NR2F1-AS1: variants seen among roughly 807,000 people sequenced by gnomAD.
NR2F1-AS1 encodes the protein NR2F1 regulatory antisense RNA 1.
At chr5:93,544,660 A>G (rs922508003) in intron 4 of NR2F1-AS1, 1 of 152,212 alleles carries the variant, frequency 6.6e-6, no homozygotes, top group Non-Finnish European at 1.5e-5. Flanking sequence ...GCAGTGGCTC[A>G]CGCCTGTAAT....
chr5:93,411,942 C>T (rs1443123269), intron 4 of NR2F1-AS1, among the ~76,000 whole-genome samples: 1 of 152,126 alleles, frequency 6.6e-6, no homozygotes, highest in African/African-American at 2.4e-5. Context: ...GATAGAGAAG[C>T]GTGCTGTGAA....
At chr5:93,583,400 C>T (rs1753162976), upstream of NR2F1-AS1, 1 of 151,056 alleles carries the variant, frequency 6.6e-6, no homozygotes. Context: ...AACCTCTCTT[C>T]TCTTTCTCTT....
At position 93,443,200 on chromosome 5, in the gene NR2F1-AS1, G is replaced by A. The variant is rs1421531374; in HGVS notation, n.639-47658C>T. Among the ~76,000 whole-genome samples, 4 of 152,220 alleles carry A rather than the reference G, an allele frequency of 2.6e-5. No individual in the cohort carries two copies. In the East Asian group the frequency reaches 7.7e-4, roughly 29 times the overall value. ...ACAAAGCTGCATGGAGAATGACTTTGACGAGTTGAGAGAAGAAGGCTTCAG... is the reference window on the plus strand; with the variant it reads ...ACAAAGCTGCATGGAGAATGACTTTAACGAGTTGAGAGAAGAAGGCTTCAG... On this transcript the variant is annotated intron_variant and non_coding_transcript_variant, in intron 4 of 5. Coordinates refer to ENST00000660523, the Ensembl canonical transcript of NR2F1-AS1.
At chr5:93,450,182 G>C (rs1457334182) in intron 4 of NR2F1-AS1, among the ~76,000 whole-genome samples, 1 of 152,152 alleles carries the variant, frequency 6.6e-6, no homozygotes, top group Non-Finnish European at 1.5e-5. Context: ...TTTAATATCT[G>C]AATTTAGCAA....
At chr5:93,417,331 A>G (rs1488008581) in intron 4 of NR2F1-AS1, among the ~76,000 whole-genome samples, 2 of 152,238 alleles carry the variant, frequency 1.3e-5, no homozygotes, top group African/African-American at 2.4e-5. Flanking sequence ...ATAGTCACTT[A>G]GCACTGCTCT....
chr5:93,580,093 G>C (rs1322383335), intron 1 of NR2F1-AS1, among the ~76,000 whole-genome samples: 1 of 152,260 alleles, frequency 6.6e-6, no homozygotes, highest in African/African-American at 2.4e-5. Flanking sequence ...GGCACCAGCA[G>C]GAACAGCCGG....
At chr5:93,415,535 T>C (rs1036445364) in intron 4 of NR2F1-AS1, among the ~76,000 whole-genome samples, 1 of 152,214 alleles carries the variant, frequency 6.6e-6, no homozygotes, top group Non-Finnish European at 1.5e-5. Context: ...ATAGAAAACA[T>C]GGTTTGACAA....
chr5:93,554,026 A>G (rs1436814772), intron 3 of NR2F1-AS1, among the ~76,000 whole-genome samples: 4 of 152,198 alleles, frequency 2.6e-5, no homozygotes, highest in Non-Finnish European at 5.9e-5. Flanking sequence ...TAAAAATGAT[A>G]TATGTAGTTA....
chr5:93,581,908 G>GTCTCTC (rs368238145), upstream of NR2F1-AS1, among the ~76,000 whole-genome samples: 2 of 39,674 alleles, frequency 5.0e-5, no homozygotes, highest in African/African-American at 2.2e-4. Flanking sequence ...CTCTCTCTGG[G>GTCTCTC]TCTCTCTCTC....
chr5:93,424,455 C>T (rs1749155206), intron 4 of NR2F1-AS1, among the ~76,000 whole-genome samples: 1 of 151,948 alleles, frequency 6.6e-6, no homozygotes, highest in South Asian at 2.1e-4. Flanking sequence ...TTCTCCTTCA[C>T]ACTTCCCATT....
At chr5:93,507,143 C>A (rs906910358) in intron 4 of NR2F1-AS1, among the ~76,000 whole-genome samples, 4 of 152,056 alleles carry the variant, frequency 2.6e-5, no homozygotes, top group African/African-American at 9.7e-5. Context: ...AATTCAACAT[C>A]CATATATTAT....
At chr5:93,560,792 G>A (rs1752468611) in intron 2 of NR2F1-AS1, among the ~76,000 whole-genome samples, 3 of 152,162 alleles carry the variant, frequency 2.0e-5, no homozygotes, top group Admixed American at 2.0e-4. Context: ...AAAGGACCTT[G>A]TTATATCATG....
rs564037395 is a variant in NR2F1-AS1, at chr5:93,419,105, C to G, written n.639-23563G>C. Among the ~76,000 whole-genome samples the G allele has an allele frequency of 2.6e-5, 4 of 152,324 alleles. No individual in the cohort carries two copies. The South Asian group carries it at 8.3e-4, about 32-fold the overall frequency. Reference sequence around the variant, plus strand: ...TGCAATGGCAAAAGTGTTAAGTGATCTAAATGGCCAACAGTTGAAGGATGA... The same window carrying G: ...TGCAATGGCAAAAGTGTTAAGTGATGTAAATGGCCAACAGTTGAAGGATGA... On this transcript the variant is annotated intron_variant and non_coding_transcript_variant, in intron 4 of 5. Coordinates refer to ENST00000660523, the Ensembl canonical transcript of NR2F1-AS1.
chr5:93,484,209 G>C (rs186872422), intron 4 of NR2F1-AS1, among the ~76,000 whole-genome samples: 1 of 152,228 alleles, frequency 6.6e-6, no homozygotes, highest in African/African-American at 2.4e-5. Context: ...GAGAAAGATC[G>C]GGTTACCCAC....
At chr5:93,468,576 T>C (rs1411656407) in intron 4 of NR2F1-AS1, among the ~76,000 whole-genome samples, 2 of 152,158 alleles carry the variant, frequency 1.3e-5, no homozygotes, top group Admixed American at 1.3e-4. Context: ...ATTGCAAAAA[T>C]TTTCTACCAT....
chr5:93,557,775 C>A (rs1376754942), intron 2 of NR2F1-AS1, among the ~76,000 whole-genome samples: 3 of 152,256 alleles, frequency 2.0e-5, no homozygotes, highest in Admixed American at 1.3e-4. Context: ...TGAAAGATTT[C>A]TCTGTGGCAT....
intron 4 of NR2F1-AS1, among the ~76,000 whole-genome samples, chr5:93,528,711 A>T (rs1751672394): frequency 6.6e-6 from 1 of 152,214 alleles, no homozygotes; most frequent in African/African-American, 2.4e-5. Flanking sequence ...ATGGAATACT[A>T]TGCAGCCATA....
At chr5:93,500,618 A>T (rs1258335548) in intron 4 of NR2F1-AS1, among the ~76,000 whole-genome samples, 1 of 152,118 alleles carries the variant, frequency 6.6e-6, no homozygotes, top group Non-Finnish European at 1.5e-5. Flanking sequence ...ATCAAGGAGT[A>T]ATTTTGACTT....
intron 4 of NR2F1-AS1, among the ~76,000 whole-genome samples, chr5:93,447,678 C>T (rs568982254): frequency 3.3e-5 from 5 of 152,260 alleles, no homozygotes; most frequent in African/African-American, 1.2e-4. Context: ...CTAGATATAC[C>T]ATTTGACCCA....
Sources: gnomAD v4.1 joint callset for allele counts (sites outside exome capture counted in the v4.1 genomes callset) on GRCh38, gnomAD v4.1.1 for gene constraint, MANE v1.5 for transcripts, NCBI Gene and HGNC (gene_info 2026-07-23, HGNC 2026-07-21) for gene names.